RAB10: variants seen among roughly 807,000 people sequenced by gnomAD.
RAB10 encodes RAB10, member RAS oncogene family.
A neutral mutation model predicts 25.7 loss-of-function variants in RAB10; 5 were observed. That is an observed-to-expected ratio of 0.19 (90% CI 0.10 to 0.41). The LOEUF is 0.41. Ranked by LOEUF, RAB10 falls within the 10% of genes least tolerant of loss-of-function variation. The pLI is 1.00. For synonymous variants in RAB10, 89 were observed against 86.4 expected (o/e 1.03, Z -0.16); for missense variants, 103 against 245.8 (o/e 0.42, Z 3.89).
chr2:26,034,662 C>T lies in RAB10; in HGVS notation c.54C>T (p.Ser18=). The T allele has an allele frequency of 6.2e-7, 1 of 1,614,198 alleles. No individual in the cohort carries two copies. The highest frequency in any genetic ancestry group is 8.5e-7 in the Non-Finnish European group (1 of 1,180,036). Residue 18 remains serine (S), a synonymous_variant, in exon 1 of 6, where the codon TCC becomes TCT. Transcript: ENST00000264710. The part of the protein sequence containing the change: ...LLFKLLLIGD[S]GVGKTCVLFR... ...TCAAGCTGCTCCTGATCGGGGATTCCGGAGTGGGGAAGACCTGCGTCCTTT... is the reference window on the plus strand; with the variant it reads ...TCAAGCTGCTCCTGATCGGGGATTCTGGAGTGGGGAAGACCTGCGTCCTTT...
intron 1 of RAB10, among the ~76,000 whole-genome samples, chr2:26,094,824 G>T (rs1667177881): frequency 6.6e-6 from 1 of 152,264 alleles, no homozygotes. Flanking sequence ...CACCCAAGGT[G>T]CTGGGATAAC....
chr2:26,123,820 A>G (rs954849347), intron 3 of RAB10, among the ~76,000 whole-genome samples: 1 of 152,220 alleles, frequency 6.6e-6, no homozygotes, highest in Non-Finnish European at 1.5e-5. Context: ...TTGGTTTTGT[A>G]TAGAAATATT....
At chr2:26,111,757 C>G (rs939909222) in intron 3 of RAB10, among the ~76,000 whole-genome samples, 1 of 152,162 alleles carries the variant, frequency 6.6e-6, no homozygotes, top group Non-Finnish European at 1.5e-5. Context: ...TCTGATTCTA[C>G]CACATGAACT....
intron 1 of RAB10, among the ~76,000 whole-genome samples, chr2:26,072,596 T>G (rs1666651394): frequency 6.6e-6 from 1 of 152,110 alleles, no homozygotes; most frequent in Non-Finnish European, 1.5e-5. Flanking sequence ...TGAAGAATAA[T>G]GTTTAGGATT....
intron 1 of RAB10, among the ~76,000 whole-genome samples, chr2:26,097,926 T>C (rs1323559386): frequency 6.6e-6 from 1 of 152,220 alleles, no homozygotes; most frequent in African/African-American, 2.4e-5. Flanking sequence ...TTTATCATTA[T>C]GAAATGACCC....
At chr2:26,053,323 C>T (rs1666175278) in intron 1 of RAB10, among the ~76,000 whole-genome samples, 8 of 152,176 alleles carry the variant, frequency 5.3e-5, no homozygotes. Context: ...CTATCCAGAT[C>T]AGTGACATTT....
At chr2:26,090,469 T>G (rs1667077213) in intron 1 of RAB10, among the ~76,000 whole-genome samples, 1 of 150,892 alleles carries the variant, frequency 6.6e-6, no homozygotes, top group African/African-American at 2.4e-5. Context: ...TTTTTCAGTT[T>G]AGAAGTAGAT....
At chr2:26,033,844 C>G (rs952661204), upstream of RAB10, among the ~76,000 whole-genome samples, 2 of 152,184 alleles carry the variant, frequency 1.3e-5, no homozygotes, top group Non-Finnish European at 2.9e-5. Context: ...GGTAGCGTCT[C>G]CCCCGGGGCG....
intron 5 of RAB10, among the ~76,000 whole-genome samples, chr2:26,132,736 T>G (rs1248215943): frequency 6.7e-6 from 1 of 150,362 alleles, no homozygotes; most frequent in Admixed American, 6.7e-5. Context: ...ATTTTGGCTG[T>G]AAAAGATTTT....
intron 1 of RAB10, among the ~76,000 whole-genome samples, chr2:26,079,877 G>A (rs1197408952): frequency 1.3e-5 from 2 of 152,088 alleles, no homozygotes; most frequent in Non-Finnish European, 2.9e-5. Context: ...TGTTGCCCAG[G>A]CTGAACTCCT....
At chr2:26,043,603 T>C (rs1322328159) in intron 1 of RAB10, among the ~76,000 whole-genome samples, 1 of 152,216 alleles carries the variant, frequency 6.6e-6, no homozygotes, top group African/African-American at 2.4e-5. Context: ...GGAGGGAAAT[T>C]CTAACATGCT....
intron 1 of RAB10, among the ~76,000 whole-genome samples, chr2:26,084,506 A>C (rs1191338497): frequency 6.6e-6 from 1 of 152,164 alleles, no homozygotes; most frequent in Non-Finnish European, 1.5e-5. Context: ...ATGTTTTGGT[A>C]CATGGTACAC....
chr2:26,092,180 AAAAAAAG>A (rs942688305), intron 1 of RAB10, among the ~76,000 whole-genome samples: 4 of 151,692 alleles, frequency 2.6e-5, no homozygotes, highest in African/African-American at 9.7e-5. Flanking sequence ...TCAGAAAAAA[AAAAAAAG>A]AAAAAAGATC....
chr2:26,048,384 T>C (rs1247472641), intron 1 of RAB10, among the ~76,000 whole-genome samples: 1 of 152,228 alleles, frequency 6.6e-6, no homozygotes, highest in African/African-American at 2.4e-5. Context: ...AATGTTATCA[T>C]ACTATTTTGT....
In RAB10 at chr2:26,057,055, A is replaced by G. The variant is rs567708286; in HGVS notation, c.127+22320A>G. ...TCTGGTACTGCCACTGGCTGGGCCA[A>G]TTGGTGCCATTAACTTAGGGAATAT... On this transcript the variant is annotated intron_variant, in intron 1 of 5. Transcript: ENST00000264710. Among the ~76,000 whole-genome samples, 4 of 152,336 alleles carry G rather than the reference A, an allele frequency of 2.6e-5. No homozygotes were observed. In the East Asian group the frequency reaches 7.7e-4, roughly 29 times the overall value.
chr2:26,061,089 T>A (rs1340823813), intron 1 of RAB10, among the ~76,000 whole-genome samples: 2 of 131,980 alleles, frequency 1.5e-5, no homozygotes, highest in Non-Finnish European at 3.1e-5. Context: ...CATTTATCTC[T>A]GTCTTTTTTT....
At position 26,096,438 on chromosome 2, in the gene RAB10, A is replaced by C. The variant is rs113727348; in HGVS notation, c.128-2224A>C. 7.0e-3 allele frequency among the ~76,000 whole-genome samples: 70 copies of C among 10,048 alleles called. 2 individuals are homozygous for C. In the South Asian group the frequency reaches 0.16, roughly 23 times the overall value. 6.6% of individuals were successfully genotyped at this position (10,048 alleles called of 152,430 possible). A position where few individuals can be genotyped will look rare whatever the true frequency, so the allele number is the denominator to read the frequency against. ...GATGGATGGCTGGCTGGCTGGATGG[A>C]TGGATGGATGGATGGATGGATGGAT... is the stretch of plus-strand genomic sequence containing the variant. On this transcript the variant is annotated intron_variant, in intron 1 of 5. Transcript: ENST00000264710.
chr2:26,083,553 T>C (rs1666916145), intron 1 of RAB10, among the ~76,000 whole-genome samples: 1 of 151,736 alleles, frequency 6.6e-6, no homozygotes, highest in African/African-American at 2.4e-5. Context: ...AACCTCCGCC[T>C]CCCAGGTTCT....
intron 1 of RAB10, among the ~76,000 whole-genome samples, chr2:26,072,431 TAATAATAATAAA>T (rs1272195185): frequency 6.6e-6 from 1 of 151,294 alleles, no homozygotes; most frequent in Non-Finnish European, 1.5e-5. Flanking sequence ...ACATATATAA[TAATAATAATAAA>T]AATAATAATA....
Sources: allele counts gnomAD v4.1 joint callset (sites outside exome capture counted in the v4.1 genomes callset), GRCh38; gene constraint gnomAD v4.1.1; transcripts MANE v1.5; gene names NCBI Gene and HGNC (gene_info 2026-07-23, HGNC 2026-07-21).